Variants in PCDHGB3 observed in about 807,000 individuals in gnomAD.
PCDHGB3 encodes protocadherin gamma subfamily B, 3.
In PCDHGB3, 40 loss-of-function variants were observed where a neutral mutation model predicts 59.2. The ratio of observed to expected loss-of-function variants is 0.68; its 90% confidence interval spans 0.52 to 0.88. The LOEUF is 0.88. PCDHGB3 is among the 40% of genes least tolerant of loss of function. The probability of loss-of-function intolerance (pLI) is 0.00; values close to 1 mark genes in which losing one functional copy is unlikely to be tolerated. For missense variants in PCDHGB3, 1,309 were observed against 1,187.9 expected, an observed-to-expected ratio of 1.10 and a Z score of -1.50; for synonymous variants, 581 against 503.6, an observed-to-expected ratio of 1.15 and a Z score of -2.06.
intron 1 of PCDHGB3, among the ~76,000 whole-genome samples, chr5:141,401,348 A>G (rs1312849099): frequency 2.0e-5 from 3 of 152,220 alleles, no homozygotes; most frequent in African/African-American, 4.8e-5. Flanking sequence ...ATCTCAAAAA[A>G]AAGGAAGGAG....
chr5:141,388,809 G>A lies in PCDHGB3; in HGVS notation c.2415+16000G>A, dbSNP rs771582173. The A allele has an allele frequency of 1.2e-6, 2 of 1,613,930 alleles. No individual in the cohort carries two copies. Among genetic ancestry groups the A allele is most frequent in the Non-Finnish European group, 1.7e-6 (2 of 1,179,838 alleles). ...TGTTTTAAATACATTAGATTTTGAA[G>A]AAGTCAAAGAATATTCCATAGTTTT... is the stretch of plus-strand genomic sequence containing the variant. On this transcript the variant is annotated intron_variant, in intron 1 of 3. Transcript: ENST00000576222.
At chr5:141,438,960 C>A (rs1398478011) in intron 1 of PCDHGB3, among the ~76,000 whole-genome samples, 1 of 151,940 alleles carries the variant, frequency 6.6e-6, no homozygotes, top group Non-Finnish European at 1.5e-5. Flanking sequence ...GCCACCGCAC[C>A]CTGCCAACTG....
chr5:141,495,892 TTGTCTC>T (rs1035324353), intron 2 of PCDHGB3, among the ~76,000 whole-genome samples: 1 of 152,198 alleles, frequency 6.6e-6, no homozygotes, highest in Admixed American at 6.5e-5. Flanking sequence ...TTGTCTCTCT[TTGTCTC>T]TGTCTCTGTA....
intron 1 of PCDHGB3, chr5:141,403,227 G>T: frequency 1.9e-6 from 3 of 1,608,966 alleles, no homozygotes; most frequent in Non-Finnish European, 2.6e-6. Context: ...AGGATAGACC[G>T]GGAGGAGCTC....
rs1446432461 is a variant in PCDHGB3, at chr5:141,511,005, C to G, written c.2622C>G (p.Ala874=). 6.2e-7 allele frequency: 1 copy of G among 1,614,176 alleles called. No individual in the cohort carries two copies. Among genetic ancestry groups the G allele is most frequent in the Middle Eastern group, 1.6e-4 (1 of 6,062 alleles). ...GGGAGTMGLS[A]RYGPQFTLQH... is the part of the protein sequence containing the mutation. ...GTGCCGGCACCATGGGATTGAGCGC[C>G]CGCTACGGACCCCAGTTCACCCTGC... Residue 874 remains alanine, a synonymous_variant, in exon 4 of 4, where the codon GCC becomes GCG. Coordinates refer to ENST00000576222, the MANE Select transcript of PCDHGB3 (RefSeq NM_018924.5).
At chr5:141,419,419 C>T (rs767018815) in intron 1 of PCDHGB3, 1 of 1,613,266 alleles carries the variant, frequency 6.2e-7, no homozygotes, top group Non-Finnish European at 8.5e-7. Flanking sequence ...AGCGCGCCTT[C>T]GACCACGAGC....
chr5:141,491,932 G>A lies in PCDHGB3; in HGVS notation c.2416-2875G>A. Reference sequence around the variant, plus strand: ...GGCGACTGTGGGCGAGGGGAGGTGGGACCGACCCCCACCCCTACACTCAAA... The same window carrying A: ...GGCGACTGTGGGCGAGGGGAGGTGGAACCGACCCCCACCCCTACACTCAAA... On this transcript the variant is annotated intron_variant, in intron 1 of 3. Transcript: ENST00000576222. This position sits in a 1 kb window ranked among gnomAD's most constrained non-coding sequence, Gnocchi z 6.9. 1 of 1,259,014 alleles carries A rather than the reference G, an allele frequency of 7.9e-7. No homozygotes were observed. The highest frequency in any genetic ancestry group is 1.1e-6 in the Non-Finnish European group (1 of 926,048). The allele number at this position is 1,259,014 out of a possible 1,614,324, so 78.0% of individuals were successfully genotyped here. A position where few individuals can be genotyped will look rare whatever the true frequency, so the allele number is the denominator to read the frequency against.
intron 1 of PCDHGB3, among the ~76,000 whole-genome samples, chr5:141,474,970 A>C (rs1309289477): frequency 6.6e-6 from 1 of 152,212 alleles, no homozygotes; most frequent in Admixed American, 6.5e-5. Context: ...TAATCATTAT[A>C]ATTTTGTTTG....
At position 141,489,664 on chromosome 5, in the gene PCDHGB3, A is replaced by G. The variant is rs745597010; in HGVS notation, c.2416-5143A>G. On this transcript the variant is annotated intron_variant, in intron 1 of 3. Transcript: ENST00000576222. The surrounding 1 kb of genome is among the most constrained non-coding windows in gnomAD (Gnocchi z 4.5). ...TGCCACCCCTGAGCGAGAGATGCGCATCTCAGAATCAGCAGCATCTGGGGC... is the reference window on the plus strand; with the variant it reads ...TGCCACCCCTGAGCGAGAGATGCGCGTCTCAGAATCAGCAGCATCTGGGGC... 1 of 1,614,106 alleles carries G rather than the reference A, an allele frequency of 6.2e-7. No homozygotes were observed. The highest frequency in any genetic ancestry group is 8.5e-7 in the Non-Finnish European group (1 of 1,180,050).
At chr5:141,400,791 T>C in intron 1 of PCDHGB3, 1 of 562,286 alleles carries the variant, frequency 1.8e-6, no homozygotes, top group Non-Finnish European at 3.1e-6. Flanking sequence ...TTTGTCCTCT[T>C]TCTCAAAGCT....
chr5:141,392,878 C>G, intron 1 of PCDHGB3: 2 of 1,613,474 alleles, frequency 1.2e-6, no homozygotes, highest in Non-Finnish European at 1.7e-6. Context: ...CTGCTGGGAA[C>G]GCTGTGGGAA....
At chr5:141,410,006 G>A (rs1201569227) in intron 1 of PCDHGB3, 8 of 1,613,156 alleles carry the variant, frequency 5.0e-6, no homozygotes, top group Non-Finnish European at 5.9e-6. Context: ...GGGACACAAC[G>A]CCTGGCTGTC....
intron 1 of PCDHGB3, chr5:141,389,471 A>C: frequency 6.2e-7 from 1 of 1,613,210 alleles, no homozygotes; most frequent in Non-Finnish European, 8.5e-7. Context: ...TCGAACTCAC[A>C]CTGCAGGCCC....
At chr5:141,381,947 A>G (rs957045552) in intron 1 of PCDHGB3, among the ~76,000 whole-genome samples, 2 of 146,392 alleles carry the variant, frequency 1.4e-5, no homozygotes, top group Non-Finnish European at 3.0e-5. Flanking sequence ...TTCCTGCCTC[A>G]GCCTCCTGAG....
rs760747309 is a variant in PCDHGB3, at chr5:141,477,613, A to G, written c.2416-17194A>G. 1.2e-6 allele frequency: 2 copies of G among 1,614,210 alleles called. No individual in the cohort carries two copies. Among genetic ancestry groups the G allele is most frequent in the Non-Finnish European group, 8.5e-7 (1 of 1,180,044 alleles). ...GGCTTTCTTTCTTTCTCTTGGAGCA[A>G]GGAGCTGAAACCGGGCTAGTGGGTC... On this transcript the variant is annotated intron_variant, in intron 1 of 3. Coordinates refer to ENST00000576222, the MANE Select transcript of PCDHGB3 (RefSeq NM_018924.5). This position sits in a 1 kb window ranked among gnomAD's most constrained non-coding sequence, Gnocchi z 4.9.
intron 1 of PCDHGB3, chr5:141,398,850 A>T (rs2093714845): frequency 6.2e-7 from 1 of 1,613,864 alleles, no homozygotes; most frequent in East Asian, 2.2e-5. Context: ...ATCCCCCGGT[A>T]TTCAACCGAG....
At chr5:141,403,350 TC>T in intron 1 of PCDHGB3, 2 of 1,613,994 alleles carry the variant, frequency 1.2e-6, no homozygotes, top group Non-Finnish European at 1.7e-6. Flanking sequence ...GCCCCAAAGT[TC>T]CAGGCCGAAA....
intron 1 of PCDHGB3, chr5:141,441,801 G>A (rs954094882): frequency 7.8e-6 from 3 of 384,492 alleles, no homozygotes; most frequent in African/African-American, 4.4e-5. Flanking sequence ...CGCACCGCGG[G>A]TGCTGTACCC....
chr5:141,465,761 G>A (rs1040750106), intron 1 of PCDHGB3, among the ~76,000 whole-genome samples: 2 of 151,634 alleles, frequency 1.3e-5, no homozygotes, highest in African/African-American at 4.8e-5. Flanking sequence ...GTAAAGTCAT[G>A]TTTCATCTCT....
Sources: allele counts gnomAD v4.1 joint callset (sites outside exome capture counted in the v4.1 genomes callset), GRCh38; gene constraint gnomAD v4.1.1; non-coding constraint Gnocchi (gnomAD v3.1); transcripts MANE v1.5; gene names NCBI Gene and HGNC (gene_info 2026-07-23, HGNC 2026-07-21).